Variants in PDE4A observed in about 807,000 individuals in gnomAD.
PDE4A encodes the protein phosphodiesterase 4A.
PDE4A carries 21 observed loss-of-function variants against 73.9 expected under a neutral mutation model. The observed-to-expected ratio is 0.28, with a 90% CI of 0.20 to 0.41. The LOEUF is 0.41. Among genes scored for constraint, PDE4A ranks in the 10% least tolerant of loss-of-function variants. The probability of loss-of-function intolerance (pLI) is 1.00; values close to 1 mark genes in which losing one functional copy is unlikely to be tolerated. For synonymous variants in PDE4A, 463 were observed against 505.4 expected, an observed-to-expected ratio of 0.92 and a Z score of 1.13; for missense variants, 958 against 1,211.4, an observed-to-expected ratio of 0.79 and a Z score of 3.10.
At chr19:10,457,134 G>A (rs1314685063) in intron 7 of PDE4A, among the ~76,000 whole-genome samples, 1 of 152,156 alleles carries the variant, frequency 6.6e-6, no homozygotes, top group Non-Finnish European at 1.5e-5. Context: ...GGAGGTGGAG[G>A]CTACAGTGAG....
chr19:10,438,458 A>G (rs1389289015), intron 1 of PDE4A, among the ~76,000 whole-genome samples: 1 of 150,776 alleles, frequency 6.6e-6, no homozygotes, highest in Non-Finnish European at 1.5e-5. Context: ...CAAACACACC[A>G]TTTCCCTATC....
Position 10,461,058 on chromosome 19 carries a change from G to T in PDE4A, c.1420G>T (p.Asp474Tyr). ...CGCCCTCTTCGCGGCTGCCATCCAC[G>T]ATGTGGATCACCCTGGGGTCTCCAA... is the stretch of plus-strand genomic sequence containing the variant. ...LAALFAAAIH[D>Y]VDHPGVSNQF... The change falls in exon 11 of 15, where the codon GAT becomes TAT. Residue 474 changes from aspartate (D) to tyrosine (Y), a missense_variant. Coordinates refer to ENST00000380702, the MANE Select transcript of PDE4A (RefSeq NM_001111307.2). 1 of 1,613,668 alleles carries T rather than the reference G, an allele frequency of 6.2e-7. No homozygotes were observed.
At chr19:10,430,445 G>C (rs1047913513) in intron 1 of PDE4A, among the ~76,000 whole-genome samples, 1 of 151,754 alleles carries the variant, frequency 6.6e-6, no homozygotes, top group Admixed American at 6.6e-5. Flanking sequence ...CTTGTGTGGG[G>C]TTGTCTCAGG....
chr19:10,459,322 G>A (rs2043221390), intron 8 of PDE4A, 78 bp from the exon 9 acceptor site: 1 of 1,604,340 alleles, frequency 6.2e-7, no homozygotes, highest in African/African-American at 1.3e-5. Flanking sequence ...TTCAGACCAA[G>A]GCTTCAAACT....
upstream of PDE4A, chr19:10,418,695 G>T: frequency 2.2e-6 from 2 of 929,178 alleles, no homozygotes; most frequent in South Asian, 9.9e-5. Flanking sequence ...ACCGCTCCTC[G>T]TTTCCTCCTT....
chr19:10,434,440 C>A (rs1015667615), intron 1 of PDE4A, among the ~76,000 whole-genome samples: 26 of 151,936 alleles, frequency 1.7e-4, no homozygotes, highest in African/African-American at 6.3e-4. Flanking sequence ...ACTCCTGGCC[C>A]TAAGTGATCC....
intron 1 of PDE4A, among the ~76,000 whole-genome samples, chr19:10,425,757 G>T (rs1348074773): frequency 6.6e-6 from 1 of 151,878 alleles, no homozygotes; most frequent in Non-Finnish European, 1.5e-5. Context: ...AGGCTGAGGC[G>T]GGTGGATTAT....
chr19:10,465,055 T>C (rs1760885519), intron 14 of PDE4A, among the ~76,000 whole-genome samples: 1 of 151,828 alleles, frequency 6.6e-6, no homozygotes, highest in Non-Finnish European at 1.5e-5. Flanking sequence ...AACCCAACCA[T>C]CTGAGTTTGA....
chr19:10,421,534 G>T (rs1199720838), intron 1 of PDE4A, among the ~76,000 whole-genome samples: 1 of 152,146 alleles, frequency 6.6e-6, no homozygotes, highest in African/African-American at 2.4e-5. Flanking sequence ...AGGGTGGGGT[G>T]CTCTCAGGGT....
intron 6 of PDE4A, chr19:10,452,882 A>T: frequency 2.2e-6 from 1 of 462,088 alleles, no homozygotes. Flanking sequence ...CACCCCCAGC[A>T]CCACCTGACA....
chr19:10,450,620 G>C lies in PDE4A; in HGVS notation c.638G>C (p.Gly213Ala). The C allele has an allele frequency of 6.2e-7, 1 of 1,609,694 alleles. No individual in the cohort carries two copies. Among genetic ancestry groups the C allele is most frequent in the Non-Finnish European group, 8.5e-7 (1 of 1,178,554 alleles). Residue 213 changes from glycine to alanine, a missense_variant, in exon 5 of 15, where the codon GGC (glycine) becomes GCC (alanine). Gly to Ala is a moderately conservative substitution (Grantham distance 60, BLOSUM62 0). This residue lies in a region of PDE4A where 570 missense variants were observed against 827.7 expected (regional missense o/e 0.69). Coordinates refer to ENST00000380702, the MANE Select transcript of PDE4A (RefSeq NM_001111307.2). ...TTCTGCAGGCGGTCCCCGCTGGGCG[G>C]CCCCACCCCTGTCTGCAAGGCCACG... ...VPSNKRSPLG[G>A]PTPVCKATLS...
At chr19:10,430,575 G>C (rs557139667) in intron 1 of PDE4A, among the ~76,000 whole-genome samples, 29 of 152,184 alleles carry the variant, frequency 1.9e-4, no homozygotes, top group Admixed American at 1.7e-3. Context: ...GGGTGTCCCT[G>C]GTGTTTGTGG....
At chr19:10,423,998 A>C (rs935801821) in intron 1 of PDE4A, among the ~76,000 whole-genome samples, 1 of 152,232 alleles carries the variant, frequency 6.6e-6, no homozygotes, top group African/African-American at 2.4e-5. Flanking sequence ...CAGGGCACAT[A>C]CAGGATTCAG....
chr19:10,449,825 C>T lies in PDE4A; in HGVS notation c.620+675C>T, dbSNP rs2043064465. On this transcript the variant is annotated intron_variant, in intron 4 of 14. Coordinates refer to ENST00000380702, the MANE Select transcript of PDE4A (RefSeq NM_001111307.2). ...AAAGTGATGATCACAGCCAAGCGTG[C>T]TGGCTCATGCCTGTAATCCAGCACT... 3.9e-5 allele frequency among the ~76,000 whole-genome samples: 6 copies of T among 151,938 alleles called. No individual in the cohort carries two copies. In the South Asian group the frequency reaches 1.2e-3, roughly 32 times the overall value.
intron 1 of PDE4A, among the ~76,000 whole-genome samples, chr19:10,426,338 C>T (rs758597337): frequency 2.0e-4 from 31 of 152,126 alleles, no homozygotes; most frequent in Non-Finnish European, 2.9e-5. Context: ...TTGTCCAACC[C>T]GTGGCCCAGG....
At chr19:10,449,992 G>C (rs1260651166) in intron 4 of PDE4A, among the ~76,000 whole-genome samples, 1 of 152,062 alleles carries the variant, frequency 6.6e-6, no homozygotes. Flanking sequence ...CTACACAGAA[G>C]GCTAAGGCAG....
chr19:10,420,300 C>T (rs2042631260), upstream of PDE4A: 2 of 719,392 alleles, frequency 2.8e-6, no homozygotes, highest in African/African-American at 3.8e-5. The surrounding 1 kb of genome is among the most constrained non-coding windows in gnomAD (Gnocchi z 6.0). Flanking sequence ...GCGCCGCGGC[C>T]AAGCAGGGTG....
chr19:10,443,435 C>G (rs1221469530), intron 1 of PDE4A, among the ~76,000 whole-genome samples: 1 of 151,338 alleles, frequency 6.6e-6, no homozygotes, highest in East Asian at 1.9e-4. Flanking sequence ...GACCCAGCTG[C>G]TTGGGAGGCT....
At chr19:10,450,750 C>G (rs1234129510) in intron 5 of PDE4A, 79 bp from the exon 6 acceptor site, 1 of 1,579,496 alleles carries the variant, frequency 6.3e-7, no homozygotes, top group African/African-American at 1.3e-5. Context: ...ACCTGGCGAA[C>G]CCCGTCACGG....
Sources: gnomAD v4.1 joint callset for allele counts (sites outside exome capture counted in the v4.1 genomes callset) on GRCh38, gnomAD v4.1.1 for gene constraint, gnomAD v4.1.1 regional missense constraint, Gnocchi (gnomAD v3.1) non-coding constraint, MANE v1.5 for transcripts, NCBI Gene and HGNC (gene_info 2026-07-23, HGNC 2026-07-21) for gene names.